The following WWOX variants were observed in gnomAD, a reference collection of about 807,000 sequenced individuals.
The protein encoded by WWOX is WW domain containing oxidoreductase.
WWOX carries 69 observed loss-of-function variants against 46.2 expected under a neutral mutation model. The ratio of observed to expected loss-of-function variants is 1.49; its 90% CI spans 1.23 to 1.82. WWOX has a LOEUF of 1.82. Among genes scored for constraint, WWOX ranks in the 40% most tolerant of loss-of-function variants. The pLI is 0.00. For missense variants in WWOX, 919 were observed against 542.6 expected (o/e 1.69, Z -6.89); for synonymous variants, 359 against 202.6 (o/e 1.77, Z -6.56).
intron 8 of WWOX, among the ~76,000 whole-genome samples, chr16:78,467,758 T>G (rs16947610): frequency 6.6e-6 from 1 of 152,218 alleles, no homozygotes; most frequent in South Asian, 2.1e-4. Context: ...AAAGCTTGAA[T>G]TAGACATTAT....
chr16:78,980,958 G>C (rs992908013), intron 8 of WWOX, among the ~76,000 whole-genome samples: 1 of 152,298 alleles, frequency 6.6e-6, no homozygotes, highest in Middle Eastern at 3.4e-3. Flanking sequence ...TAAAGTCACA[G>C]GGTTGGCCCC....
At chr16:78,671,404 G>T (rs1333120832) in intron 8 of WWOX, among the ~76,000 whole-genome samples, 2 of 152,182 alleles carry the variant, frequency 1.3e-5, no homozygotes, top group African/African-American at 4.8e-5. Flanking sequence ...CGGCCTGGGT[G>T]ATAGCATGAG....
At chr16:78,742,328 C>T (rs543913720) in intron 8 of WWOX, among the ~76,000 whole-genome samples, 1 of 152,166 alleles carries the variant, frequency 6.6e-6, no homozygotes, top group African/African-American at 2.4e-5. Context: ...TCAGGGTGTC[C>T]TCTGGTGAAG....
chr16:78,710,703 C>G (rs115208717), intron 8 of WWOX, among the ~76,000 whole-genome samples: 1,826 of 151,198 alleles, frequency 0.012, 41 homozygotes, highest in African/African-American at 0.042. Flanking sequence ...TAGCCTCAAC[C>G]TCCTGGGCTC....
intron 5 of WWOX, among the ~76,000 whole-genome samples, chr16:78,193,478 A>T (rs1199722945): frequency 9.7e-5 from 3 of 30,954 alleles, no homozygotes; most frequent in African/African-American, 6.7e-4. Flanking sequence ...CTGAGAATCA[A>T]ACCGGTGGTC....
chr16:79,189,607 A>G (rs2051091237), intron 8 of WWOX, among the ~76,000 whole-genome samples: 1 of 151,998 alleles, frequency 6.6e-6, no homozygotes, highest in African/African-American at 2.4e-5. Flanking sequence ...AGCCTAGGAA[A>G]GCATATTTTT....
intron 5 of WWOX, among the ~76,000 whole-genome samples, chr16:78,309,704 TTTC>T (rs2080203632): frequency 1.3e-5 from 2 of 152,222 alleles, no homozygotes; most frequent in South Asian, 4.1e-4. Flanking sequence ...AGTTTCACTC[TTTC>T]AATCAACGTA....
At chr16:78,157,658 A>G (rs1238788806) in intron 4 of WWOX, among the ~76,000 whole-genome samples, 1 of 152,226 alleles carries the variant, frequency 6.6e-6, no homozygotes, top group Non-Finnish European at 1.5e-5. Flanking sequence ...ATCTCAAGAA[A>G]TAATTTCAGG....
intron 4 of WWOX, among the ~76,000 whole-genome samples, chr16:78,152,314 TAATTGATAA>T (rs542270145): frequency 6.6e-6 from 1 of 152,366 alleles, no homozygotes; most frequent in East Asian, 1.9e-4. Context: ...TTATATAACC[TAATTGATAA>T]AACATTTTGG....
intron 8 of WWOX, among the ~76,000 whole-genome samples, chr16:79,003,083 C>T (rs1011581752): frequency 4.6e-5 from 7 of 152,186 alleles, no homozygotes; most frequent in Non-Finnish European, 7.3e-5. Flanking sequence ...CCCCACTCTT[C>T]CCCCTGAAAA....
chr16:78,918,200 G>C (rs529339688), intron 8 of WWOX, among the ~76,000 whole-genome samples: 1 of 152,222 alleles, frequency 6.6e-6, no homozygotes, highest in African/African-American at 2.4e-5. Flanking sequence ...GTGACAAAGT[G>C]AGACCTTGTC....
At chr16:78,792,576 C>G (rs921619100) in intron 8 of WWOX, among the ~76,000 whole-genome samples, 1 of 152,166 alleles carries the variant, frequency 6.6e-6, no homozygotes, top group Admixed American at 6.5e-5. Flanking sequence ...AAATTTGTCA[C>G]ATCACACTGG....
Position 78,341,132 on chromosome 16 carries a change from C to T in WWOX, c.517-45728C>T, listed in dbSNP as rs1034386757. 1.4e-4 allele frequency among the ~76,000 whole-genome samples: 15 copies of T among 105,072 alleles called. 4 individuals carry two copies. The highest frequency in any genetic ancestry group is 2.6e-4 in the Non-Finnish European group (12 of 45,922). 68.9% of individuals were successfully genotyped at this position (105,072 alleles called of 152,430 possible). A position where few individuals can be genotyped will look rare whatever the true frequency, so the allele number is the denominator to read the frequency against. On this transcript the variant is annotated intron_variant, in intron 5 of 8. Coordinates refer to ENST00000566780, the MANE Select transcript of WWOX (RefSeq NM_016373.4). ...AAGACTCAGCTCTCTTAAGTCACTT[C>T]CTAGTTGTCCATCTGCTTTCCAGCA...
intron 8 of WWOX, among the ~76,000 whole-genome samples, chr16:78,927,028 T>C (rs2045514140): frequency 6.6e-6 from 1 of 152,166 alleles, no homozygotes. Context: ...ACTCTTGAGC[T>C]CAAGCCATCC....
intron 8 of WWOX, among the ~76,000 whole-genome samples, chr16:79,118,659 G>T (rs1306062504): frequency 6.6e-6 from 1 of 152,146 alleles, no homozygotes; most frequent in African/African-American, 2.4e-5. Flanking sequence ...TTAAAAAGAA[G>T]GAAGAAAATC....
At chr16:79,165,691 A>G (rs1395996578) in intron 8 of WWOX, among the ~76,000 whole-genome samples, 1 of 152,130 alleles carries the variant, frequency 6.6e-6, no homozygotes, top group African/African-American at 2.4e-5. Flanking sequence ...AACCCAGTCC[A>G]TGATTTCTTA....
At chr16:78,331,127 C>G (rs1267617907) in intron 5 of WWOX, among the ~76,000 whole-genome samples, 1 of 152,100 alleles carries the variant, frequency 6.6e-6, no homozygotes, top group African/African-American at 2.4e-5. Flanking sequence ...CCTACGGTCC[C>G]TGAATATGTT....
At chr16:78,371,240 C>T (rs1390934988) in intron 5 of WWOX, among the ~76,000 whole-genome samples, 1 of 152,130 alleles carries the variant, frequency 6.6e-6, no homozygotes, top group Non-Finnish European at 1.5e-5. Context: ...TTTTCTTGTG[C>T]ATCCACTTCC....
At chr16:78,798,987 G>A (rs145298065) in intron 8 of WWOX, among the ~76,000 whole-genome samples, 13 of 152,248 alleles carry the variant, frequency 8.5e-5, no homozygotes, top group Admixed American at 2.0e-4. Flanking sequence ...TTCAGGAGCC[G>A]TAAACAACAA....
Sources: gnomAD v4.1 joint callset for allele counts (sites outside exome capture counted in the v4.1 genomes callset) on GRCh38, gnomAD v4.1.1 for gene constraint, MANE v1.5 for transcripts, NCBI Gene and HGNC (gene_info 2026-07-23, HGNC 2026-07-21) for gene names.